Variants in UNC5D observed in about 807,000 individuals in gnomAD.
The protein encoded by UNC5D is unc-5 netrin receptor D, also known as netrin receptor UNC5D.
In UNC5D, 39 loss-of-function variants were observed where a neutral mutation model predicts 105.4. That is an observed-to-expected ratio of 0.37 (90% CI 0.29 to 0.48). The LOEUF (loss-of-function observed/expected upper bound fraction) is 0.48, where lower values mean the gene tolerates loss of function less well. Ranked by LOEUF, UNC5D falls within the 20% of genes least tolerant of loss-of-function variation. The probability of loss-of-function intolerance (pLI) is 0.98; values close to 1 mark genes in which losing one functional copy is unlikely to be tolerated. For missense variants in UNC5D, 991 were observed against 1,202.4 expected (o/e 0.82, Z 2.60); for synonymous variants, 452 against 450.4 (o/e 1.00, Z -0.04).
intron 1 of UNC5D, among the ~76,000 whole-genome samples, chr8:35,483,193 C>T (rs955655420): frequency 1.3e-5 from 2 of 151,794 alleles, no homozygotes; most frequent in Non-Finnish European, 2.9e-5. Context: ...GTGGACAGGC[C>T]TCCAAACCTC....
intron 1 of UNC5D, among the ~76,000 whole-genome samples, chr8:35,482,230 T>C (rs1376215179): frequency 2.6e-5 from 4 of 152,220 alleles, no homozygotes; most frequent in Admixed American, 2.6e-4. Context: ...CGTTCCCTTA[T>C]GGATGGATTT....
intron 4 of UNC5D, among the ~76,000 whole-genome samples, chr8:35,619,931 T>C (rs1821255872): frequency 6.6e-6 from 1 of 151,696 alleles, no homozygotes; most frequent in East Asian, 1.9e-4. Context: ...ATTCCTGATG[T>C]AGAGCAGTGT....
chr8:35,527,135 T>G (rs1813939442), intron 1 of UNC5D, among the ~76,000 whole-genome samples: 1 of 152,118 alleles, frequency 6.6e-6, no homozygotes, highest in Non-Finnish European at 1.5e-5. Context: ...TTTTTTCTCC[T>G]TGTTCCAAAC....
intron 1 of UNC5D, among the ~76,000 whole-genome samples, chr8:35,308,096 C>A (rs1528711): frequency 0.82 from 124,244 of 151,328 alleles, 51,410 homozygotes; most frequent in East Asian, 1. Flanking sequence ...CTATTTTAAG[C>A]CTTTTCTATG....
intron 4 of UNC5D, among the ~76,000 whole-genome samples, chr8:35,620,254 T>C (rs1042098704): frequency 1.3e-5 from 2 of 152,176 alleles, no homozygotes; most frequent in Non-Finnish European, 2.9e-5. Context: ...TTTGATCCCA[T>C]TGGAGGCAGG....
In UNC5D at chr8:35,796,122, A is replaced by C. The variant is rs1803242307; in HGVS notation, c.*5559A>C. On this transcript the variant is annotated 3_prime_UTR_variant, in exon 17 of 17. Coordinates refer to ENST00000404895, the MANE Select transcript of UNC5D (RefSeq NM_080872.4). ...TGTGTTCAAAGCCAAAAAATAAAATAAAATAAAGCAGGGCTGAACACTTAA... is the reference window on the plus strand; with the variant it reads ...TGTGTTCAAAGCCAAAAAATAAAATCAAATAAAGCAGGGCTGAACACTTAA... 6.6e-6 allele frequency: 1 copy of C among 152,202 alleles called. No homozygotes were observed. The highest frequency in any genetic ancestry group is 2.1e-4 in the South Asian group (1 of 4,826). 9.4% of individuals were successfully genotyped at this position (152,202 alleles called of 1,614,324 possible). A position where few individuals can be genotyped will look rare whatever the true frequency, so the allele number is the denominator to read the frequency against.
At chr8:35,751,555 G>C (rs1830283629) in intron 13 of UNC5D, among the ~76,000 whole-genome samples, 1 of 152,180 alleles carries the variant, frequency 6.6e-6, no homozygotes, top group Non-Finnish European at 1.5e-5. Context: ...GAATGAACAA[G>C]GACAGCTTGG....
At chr8:35,671,330 A>G (rs1467083411) in intron 4 of UNC5D, among the ~76,000 whole-genome samples, 1 of 152,210 alleles carries the variant, frequency 6.6e-6, no homozygotes, top group Non-Finnish European at 1.5e-5. Context: ...TCCTTTTCAA[A>G]ATATGTTGAC....
chr8:35,597,239 AAC>A (rs1445524598), intron 4 of UNC5D, among the ~76,000 whole-genome samples: 4 of 152,182 alleles, frequency 2.6e-5, no homozygotes, highest in African/African-American at 9.7e-5. Context: ...AATTAAAGTG[AAC>A]ACTCCATGCA....
At position 35,677,890 on chromosome 8, in the gene UNC5D, CTGTGTGTGTGTG is replaced by C. The variant is rs35785055; in HGVS notation, c.571-5651_571-5640del. 4.7e-5 allele frequency among the ~76,000 whole-genome samples: 7 copies of C among 149,354 alleles called. No homozygotes were observed. In the East Asian group the frequency reaches 1.4e-3, roughly 29 times the overall value. ...AGGTTTTTATAGGGTGTGTGAGTGT[CTGTGTGTGTGTG>C]TGTGTATGTGTGTGTGTATGTATAT... is the stretch of plus-strand genomic sequence containing the variant. On this transcript the variant is annotated intron_variant, in intron 4 of 16. Coordinates refer to ENST00000404895, the MANE Select transcript of UNC5D (RefSeq NM_080872.4).
At chr8:35,646,458 A>G (rs1445187423) in intron 4 of UNC5D, among the ~76,000 whole-genome samples, 1 of 152,022 alleles carries the variant, frequency 6.6e-6, no homozygotes, top group African/African-American at 2.4e-5. Context: ...TTTAGTTTGG[A>G]TATCATTACC....
chr8:35,628,310 T>C (rs1209124334), intron 4 of UNC5D, among the ~76,000 whole-genome samples: 1 of 152,086 alleles, frequency 6.6e-6, no homozygotes, highest in African/African-American at 2.4e-5. Context: ...ATTTTTGTAT[T>C]TTTATTAGAG....
chr8:35,430,531 C>T (rs1399335322), intron 1 of UNC5D, among the ~76,000 whole-genome samples: 1 of 152,058 alleles, frequency 6.6e-6, no homozygotes, highest in Non-Finnish European at 1.5e-5. Context: ...AATGAAACAA[C>T]CTGGGGATCG....
chr8:35,486,933 A>G (rs1810859476), intron 1 of UNC5D, among the ~76,000 whole-genome samples: 1 of 152,164 alleles, frequency 6.6e-6, no homozygotes, highest in Non-Finnish European at 1.5e-5. Flanking sequence ...TGCATGTGAG[A>G]TGGGATTCTC....
rs569717254 is a variant in UNC5D, at chr8:35,306,416, G to A, written c.103+70529G>A. Among the ~76,000 whole-genome samples, 4 of 152,110 alleles carry A rather than the reference G, an allele frequency of 2.6e-5. No homozygotes were observed. The East Asian group carries it at 7.8e-4, about 29-fold the overall frequency. ...TTAAAGGGAGAGATGCTTTTAACTT[G>A]TTAGGACTTTTAGCCAGTCCTAACA... On this transcript the variant is annotated intron_variant, in intron 1 of 16. Transcript: ENST00000404895.
chr8:35,298,065 G>A (rs945848302), intron 1 of UNC5D, among the ~76,000 whole-genome samples: 2 of 152,140 alleles, frequency 1.3e-5, no homozygotes, highest in Non-Finnish European at 2.9e-5. Context: ...CAGACTATGA[G>A]CTTCCCCTGC....
At chr8:35,402,267 T>C (rs1335907245) in intron 1 of UNC5D, among the ~76,000 whole-genome samples, 9 of 152,160 alleles carry the variant, frequency 5.9e-5, no homozygotes, top group Non-Finnish European at 7.4e-5. Context: ...AGAGGTTTAA[T>C]GAACTCACAG....
At chr8:35,597,846 A>C (rs1400948181) in intron 4 of UNC5D, among the ~76,000 whole-genome samples, 1 of 152,062 alleles carries the variant, frequency 6.6e-6, no homozygotes, top group Non-Finnish European at 1.5e-5. Flanking sequence ...CTGCAAAGCT[A>C]CTCCAAAGCA....
At chr8:35,754,015 T>G (rs1830404040) in intron 13 of UNC5D, among the ~76,000 whole-genome samples, 1 of 152,256 alleles carries the variant, frequency 6.6e-6, no homozygotes, top group African/African-American at 2.4e-5. Flanking sequence ...CCAAATCATT[T>G]CATAGTGTGA....
Sources: gnomAD v4.1 joint callset for allele counts (sites outside exome capture counted in the v4.1 genomes callset) on GRCh38, gnomAD v4.1.1 for gene constraint, MANE v1.5 for transcripts, NCBI Gene and HGNC (gene_info 2026-07-23, HGNC 2026-07-21) for gene names.